The following USP34 variants were observed in gnomAD, a reference collection of about 807,000 sequenced individuals.
The protein encoded by USP34 is ubiquitin carboxyl-terminal hydrolase 34.
A neutral mutation model predicts 460.3 loss-of-function variants in USP34; 70 were observed. The observed-to-expected ratio is 0.15, with a 90% CI of 0.13 to 0.19. USP34 has a LOEUF of 0.19. Ranked by LOEUF, USP34 falls within the 10% of genes least tolerant of loss-of-function variation. The pLI is 1.00. For synonymous variants in USP34, 1,647 were observed against 1,405.3 expected (o/e 1.17, Z -3.85); for missense variants, 3,985 against 4,236.2 (o/e 0.94, Z 1.65).
chr2:61,456,428 T>C (rs1313529363), intron 1 of USP34, among the ~76,000 whole-genome samples: 3 of 152,238 alleles, frequency 2.0e-5, no homozygotes, highest in Non-Finnish European at 4.4e-5. Flanking sequence ...CTTCTTGTTC[T>C]TGTACAGTAA....
intron 29 of USP34, among the ~76,000 whole-genome samples, chr2:61,297,797 C>T (rs888170845): frequency 4.6e-5 from 7 of 152,118 alleles, no homozygotes; most frequent in African/African-American, 1.4e-4. Context: ...GGCTGGAGTG[C>T]AATGGCACGA....
chr2:61,447,756 C>A (rs1006010755), intron 1 of USP34, among the ~76,000 whole-genome samples: 3 of 152,154 alleles, frequency 2.0e-5, no homozygotes, highest in African/African-American at 7.2e-5. Context: ...CACTCTGTCG[C>A]CTAGGCTGGA....
chr2:61,405,086 A>T lies in USP34; in HGVS notation c.552+622T>A, dbSNP rs111497877. On this transcript the variant is annotated intron_variant, in intron 3 of 79. Transcript: ENST00000398571. ...ACTAAAGAAAATTCTTTTTAAACTT[A>T]GCCAGGTGTGGTGGCAGGCACCTGT... 5.9e-3 allele frequency among the ~76,000 whole-genome samples: 902 copies of T among 152,026 alleles called. 11 individuals are homozygous for T. Among genetic ancestry groups the T allele is most frequent in the Middle Eastern group, 0.034 (10 of 294 alleles).
intron 53 of USP34, among the ~76,000 whole-genome samples, chr2:61,238,203 A>T (rs1688128558): frequency 6.6e-6 from 1 of 151,996 alleles, no homozygotes; most frequent in Non-Finnish European, 1.5e-5. Context: ...GCCTTACCCT[A>T]GCTATTTTCT....
At chr2:61,256,527 G>A (rs1340716134) in intron 47 of USP34, 49 bp from the exon 48 acceptor site, 11 of 1,380,676 alleles carry the variant, frequency 8.0e-6, no homozygotes, top group African/African-American at 1.5e-5. Flanking sequence ...TTTATAGCAT[G>A]CAAATATACA....
At chr2:61,293,424 T>A (rs1689923663) in intron 33 of USP34, 40 bp downstream of exon 33, 1 of 1,470,880 alleles carries the variant, frequency 6.8e-7, no homozygotes, top group Non-Finnish European at 9.4e-7. Flanking sequence ...TCAAATGGGA[T>A]AACTACTGTA....
chr2:61,256,591 A>T (rs1007810453), intron 47 of USP34, 113 bp from the exon 48 acceptor site: 18 of 723,280 alleles, frequency 2.5e-5, no homozygotes, highest in Admixed American at 2.1e-4. Flanking sequence ...TTTTTTTTTT[A>T]AAAGTGAATT....
intron 1 of USP34, among the ~76,000 whole-genome samples, chr2:61,431,177 T>A (rs534965051): frequency 1.3e-5 from 2 of 152,178 alleles, no homozygotes; most frequent in Non-Finnish European, 2.9e-5. Context: ...TTTATAGTAC[T>A]GCAGGATGAC....
chr2:61,236,147 C>A lies in USP34; in HGVS notation c.6918+14G>T. The A allele has an allele frequency of 6.2e-7, 1 of 1,602,076 alleles. No individual in the cohort carries two copies. The highest frequency in any genetic ancestry group is 8.5e-7 in the Non-Finnish European group (1 of 1,176,102). Reference sequence around the variant, plus strand: ...AATTTTGACAGAATTATTTAAAGTTCATATATTTATTACCTTTGCTGTCAT... The same window carrying A: ...AATTTTGACAGAATTATTTAAAGTTAATATATTTATTACCTTTGCTGTCAT... On this transcript the variant is annotated intron_variant, in intron 55 of 79. Transcript: ENST00000398571.
At chr2:61,397,441 TAAAAA>T (rs35650295) in intron 3 of USP34, among the ~76,000 whole-genome samples, 1 of 131,274 alleles carries the variant, frequency 7.6e-6, no homozygotes. Flanking sequence ...AGGCTCCATC[TAAAAA>T]AAAAAAAAAA....
intron 27 of USP34, among the ~76,000 whole-genome samples, chr2:61,309,447 G>C (rs930109912): frequency 3.3e-5 from 5 of 152,148 alleles, no homozygotes; most frequent in African/African-American, 1.2e-4. Flanking sequence ...CACCAAATTT[G>C]AGGACAATTA....
chr2:61,348,574 C>T, intron 14 of USP34, 94 bp from the exon 15 acceptor site: 1 of 1,482,408 alleles, frequency 6.7e-7, no homozygotes, highest in Non-Finnish European at 9.0e-7. Context: ...AAAAAGGCTG[C>T]CAGTCTTGTT....
Position 61,301,065 on chromosome 2 carries a change from G to A in USP34, c.4014C>T (p.Asn1338=). 1 of 1,614,056 alleles carries A rather than the reference G, an allele frequency of 6.2e-7. No individual in the cohort carries two copies. The highest frequency in any genetic ancestry group is 1.1e-5 in the South Asian group (1 of 91,076). ...CTTGTAAAAGCAAAAGCATTGGAAT[G>A]TTGTCCTTCTGAGGGGGTGGGAGGC... ...ASCLPPPQKD[N]IPMLLLLQEP... Residue 1338 remains asparagine, a synonymous_variant, in exon 29 of 80, where the codon AAC becomes AAT. Coordinates refer to ENST00000398571, the MANE Select transcript of USP34 (RefSeq NM_014709.4).
At chr2:61,311,933 C>G in intron 25 of USP34, 23 bp from the exon 26 acceptor site, 1 of 1,607,340 alleles carries the variant, frequency 6.2e-7, no homozygotes, top group Non-Finnish European at 8.5e-7. Flanking sequence ...ACAAACAACA[C>G]ATAGAAAGGA....
At chr2:61,391,578 C>T (rs1208068090) in intron 5 of USP34, among the ~76,000 whole-genome samples, 1 of 152,156 alleles carries the variant, frequency 6.6e-6, no homozygotes. Context: ...TAGTTCTACT[C>T]ATTCCTGTGA....
intron 37 of USP34, among the ~76,000 whole-genome samples, chr2:61,281,690 G>T (rs1191964044): frequency 6.6e-6 from 1 of 152,016 alleles, no homozygotes; most frequent in Non-Finnish European, 1.5e-5. Context: ...GTATCTCAAG[G>T]TATACCATAA....
chr2:61,348,972 CTA>C, intron 13 of USP34, 86 bp from the exon 14 acceptor site: 1 of 1,425,204 alleles, frequency 7.0e-7, no homozygotes, highest in Admixed American at 2.4e-5. Context: ...ATTCCTTGAC[CTA>C]GTTACCAAAG....
intron 10 of USP34, among the ~76,000 whole-genome samples, chr2:61,358,638 T>C (rs1692179589): frequency 6.6e-6 from 1 of 151,988 alleles, no homozygotes; most frequent in Non-Finnish European, 1.5e-5. Flanking sequence ...TAGACAAAAA[T>C]ATGAAAGGCA....
At chr2:61,468,805 G>A (rs906591690) in intron 1 of USP34, among the ~76,000 whole-genome samples, 4 of 152,216 alleles carry the variant, frequency 2.6e-5, no homozygotes, top group Non-Finnish European at 4.4e-5. Flanking sequence ...GGGTTTCCCA[G>A]ATAATCTTAA....
Sources: gnomAD v4.1 joint callset for allele counts (sites outside exome capture counted in the v4.1 genomes callset) on GRCh38, gnomAD v4.1.1 for gene constraint, MANE v1.5 for transcripts, NCBI Gene and HGNC (gene_info 2026-07-23, HGNC 2026-07-21) for gene names.